VRK2: variants seen among roughly 807,000 people sequenced by gnomAD.
VRK2 encodes VRK serine/threonine kinase 2.
VRK2 carries 60 observed loss-of-function variants against 57.6 expected under a neutral mutation model. That is an observed-to-expected ratio of 1.04 (90% CI 0.85 to 1.29). The LOEUF is 1.29. Among genes scored for constraint, VRK2 ranks in the 50% most tolerant of loss-of-function variants. The pLI, the probability that VRK2 is intolerant of heterozygous loss-of-function variation, is 0.00. For missense variants in VRK2, 705 were observed against 588.1 expected, an observed-to-expected ratio of 1.20 and a Z score of -2.06; for synonymous variants, 231 against 199.2, an observed-to-expected ratio of 1.16 and a Z score of -1.35.
intron 1 of VRK2, among the ~76,000 whole-genome samples, chr2:57,945,389 C>T (rs1671230460): frequency 6.6e-6 from 1 of 152,136 alleles, no homozygotes; most frequent in African/African-American, 2.4e-5. Context: ...AGTCTATCAA[C>T]TGTCACCATA....
At chr2:57,949,869 A>G (rs1671372594) in intron 1 of VRK2, among the ~76,000 whole-genome samples, 1 of 152,228 alleles carries the variant, frequency 6.6e-6, no homozygotes, top group South Asian at 2.1e-4. Flanking sequence ...CACACAAATG[A>G]TAAGAATGTG....
intron 1 of VRK2, among the ~76,000 whole-genome samples, chr2:57,917,849 TAAAG>T (rs1370040556): frequency 1.3e-5 from 2 of 152,024 alleles, no homozygotes; most frequent in Non-Finnish European, 2.9e-5. Context: ...GTTTTCTTTA[TAAAG>T]AGAGAGGATT....
chr2:58,091,442 ATAT>A (rs989694934), intron 7 of VRK2, among the ~76,000 whole-genome samples: 1 of 152,016 alleles, frequency 6.6e-6, no homozygotes, highest in Non-Finnish European at 1.5e-5. Context: ...TAATATTAAA[ATAT>A]TAATATTGAC....
At chr2:57,932,597 C>G (rs1339561597) in intron 1 of VRK2, among the ~76,000 whole-genome samples, 1 of 151,894 alleles carries the variant, frequency 6.6e-6, no homozygotes, top group African/African-American at 2.4e-5. Context: ...TTTACTTAGT[C>G]CAGCTAAAGG....
chr2:57,941,445 C>T (rs1671091239), intron 1 of VRK2, among the ~76,000 whole-genome samples: 1 of 152,098 alleles, frequency 6.6e-6, no homozygotes, highest in African/African-American at 2.4e-5. Context: ...GCTTTAGAAA[C>T]ATGTGTGGAT....
intron 2 of VRK2, among the ~76,000 whole-genome samples, chr2:58,059,679 A>G (rs1178506270): frequency 3.3e-5 from 5 of 151,818 alleles, no homozygotes; most frequent in Admixed American, 2.0e-4. Flanking sequence ...AAGATATTAT[A>G]CAGTAGTAAT....
chr2:57,991,882 C>T (rs1031399884), intron 1 of VRK2, among the ~76,000 whole-genome samples: 2 of 150,370 alleles, frequency 1.3e-5, no homozygotes, highest in Middle Eastern at 3.5e-3. Context: ...TGCTTGAACT[C>T]GGGAGGCGGA....
intron 3 of VRK2, among the ~76,000 whole-genome samples, chr2:58,084,483 T>C (rs1258014771): frequency 1.3e-5 from 2 of 151,792 alleles, no homozygotes; most frequent in Non-Finnish European, 3.0e-5. Flanking sequence ...GAATGAAATA[T>C]AGTAGACCAT....
intron 1 of VRK2, among the ~76,000 whole-genome samples, chr2:57,978,544 A>G (rs889890221): frequency 6.6e-6 from 1 of 151,096 alleles, no homozygotes; most frequent in Non-Finnish European, 1.5e-5. Context: ...ACATGCTGCC[A>G]ACTTACCATC....
At chr2:58,008,651 G>A (rs1469301927) in intron 1 of VRK2, among the ~76,000 whole-genome samples, 1 of 151,546 alleles carries the variant, frequency 6.6e-6, no homozygotes, top group Non-Finnish European at 1.5e-5. Context: ...AAAGCAGAAG[G>A]AATAAAATAT....
chr2:58,092,642 A>T lies in VRK2; in HGVS notation c.543+2919A>T, dbSNP rs373894077. 3.2e-4 allele frequency among the ~76,000 whole-genome samples: 49 copies of T among 152,222 alleles called. No homozygotes were observed. In the South Asian group the frequency reaches 9.5e-3, roughly 30 times the overall value. On this transcript the variant is annotated intron_variant, in intron 7 of 12. Transcript: ENST00000340157. Reference sequence around the variant, plus strand: ...TAAACATTCCCATCAGCAATGTGTGATATTTCATTTGCTCCACCTGGTTTC... The same window carrying T: ...TAAACATTCCCATCAGCAATGTGTGTTATTTCATTTGCTCCACCTGGTTTC...
chr2:58,123,321 T>G, intron 8 of VRK2, 88 bp downstream of exon 8: 3 of 1,490,472 alleles, frequency 2.0e-6, no homozygotes, highest in Non-Finnish European at 1.8e-6. Flanking sequence ...GACCTTTGCA[T>G]AGTCAGTTTG....
Position 57,950,226 on chromosome 2 carries a change from T to C in VRK2, c.-439+42387T>C, listed in dbSNP as rs115850165. Among the ~76,000 whole-genome samples, 1,032 of 152,348 alleles carry C rather than the reference T, an allele frequency of 6.8e-3. 15 individuals carry two copies. The highest frequency in any genetic ancestry group is 0.023 in the African/African-American group (940 of 41,578). On this transcript the variant is annotated intron_variant, in intron 1 of 15. Transcript: ENST00000417641. ...TCCATGTAGATAAAACAGCCTTCTA[T>C]TGAAAAACGATGCCATCTAGGACTT... is the stretch of plus-strand genomic sequence containing the variant.
At chr2:57,919,096 T>C (rs1382392789) in intron 1 of VRK2, among the ~76,000 whole-genome samples, 1 of 152,134 alleles carries the variant, frequency 6.6e-6, no homozygotes, top group Non-Finnish European at 1.5e-5. Context: ...TCTGCATTAT[T>C]CTGCAATAAA....
At chr2:58,103,226 G>A (rs1286099830) in intron 7 of VRK2, among the ~76,000 whole-genome samples, 1 of 150,986 alleles carries the variant, frequency 6.6e-6, no homozygotes, top group Non-Finnish European at 1.5e-5. Context: ...AAATAGCAAA[G>A]ATCAGAGCAG....
intron 1 of VRK2, among the ~76,000 whole-genome samples, chr2:58,007,024 A>G (rs1673269145): frequency 6.6e-6 from 1 of 152,030 alleles, no homozygotes; most frequent in Non-Finnish European, 1.5e-5. Context: ...TCTTTCTCTC[A>G]GCCTTCCCCA....
In VRK2 at chr2:57,907,662, C is replaced by T. The variant is rs140726925; in HGVS notation, c.-616C>T. On this transcript the variant is annotated 5_prime_UTR_variant, in exon 1 of 16. Coordinates refer to the VRK2 transcript ENST00000417641. ...CTCCCTCCAACCCTGGCTATTCACACGCTTCAGTTCACAACTTCCATCCAG... is the reference window on the plus strand; with the variant it reads ...CTCCCTCCAACCCTGGCTATTCACATGCTTCAGTTCACAACTTCCATCCAG... The T allele has an allele frequency of 3.9e-5, 6 of 152,344 alleles. No individual in the cohort carries two copies. In the East Asian group the frequency reaches 7.7e-4, roughly 20 times the overall value. The allele number at this position is 152,344 out of a possible 1,614,324, so 9.4% of individuals were successfully genotyped here. A position where few individuals can be genotyped will look rare whatever the true frequency, so the allele number is the denominator to read the frequency against.
At chr2:58,033,528 A>G (rs937904912) in exon 3 of VRK2, 2 of 152,030 alleles carry the variant, frequency 1.3e-5, no homozygotes, top group African/African-American at 4.8e-5. Flanking sequence ...TGACAGCTTG[A>G]TTTTAGGATT....
intron 1 of VRK2, among the ~76,000 whole-genome samples, chr2:57,925,027 T>C (rs889665387): frequency 2.6e-5 from 4 of 152,120 alleles, no homozygotes; most frequent in African/African-American, 9.6e-5. Context: ...GATTTGCCTA[T>C]GTTGCTCCAT....
Sources: allele counts gnomAD v4.1 joint callset (sites outside exome capture counted in the v4.1 genomes callset), GRCh38; gene constraint gnomAD v4.1.1; transcripts MANE v1.5; gene names NCBI Gene and HGNC (gene_info 2026-07-23, HGNC 2026-07-21).